The following LIMCH1 variants were observed in gnomAD, a reference collection of about 807,000 sequenced individuals.
The protein encoded by LIMCH1 is LIM and calponin homology domains-containing protein 1.
In LIMCH1, 113 loss-of-function variants were observed where a neutral mutation model predicts 176.5. The ratio of observed to expected loss-of-function variants is 0.64; its 90% CI spans 0.55 to 0.75. The LOEUF is 0.75. Among genes scored for constraint, LIMCH1 ranks in the 30% least tolerant of loss-of-function variants. The pLI is 0.00. For missense variants in LIMCH1, 1,674 were observed against 1,814.9 expected (o/e 0.92, Z 1.41); for synonymous variants, 619 against 645.9 (o/e 0.96, Z 0.63).
chr4:41,467,349 T>C (rs61174939), intron 1 of LIMCH1, among the ~76,000 whole-genome samples: 2,035 of 152,290 alleles, frequency 0.013, 44 homozygotes, highest in African/African-American at 0.046. Context: ...TAGTTCGTTC[T>C]CATGCTGTTA....
rs2076432857 is a variant in LIMCH1 at position 41,524,538 on chromosome 4, T to G, written c.237+60T>G. Reference sequence around the variant, plus strand: ...TTCCTTTGCTCTAACCTAGGGGTCATGACAGCACCATTTATTACAGTTCTC... The same window carrying G: ...TTCCTTTGCTCTAACCTAGGGGTCAGGACAGCACCATTTATTACAGTTCTC... On this transcript the variant is annotated intron_variant, in intron 3 of 26. Coordinates refer to the LIMCH1 transcript ENST00000313860. 7.5e-6 allele frequency: 9 copies of G among 1,205,244 alleles called. 1 individual carries two copies. The South Asian group carries it at 9.7e-5, about 13-fold the overall frequency. 74.7% of individuals were successfully genotyped at this position (1,205,244 alleles called of 1,614,324 possible). A position where few individuals can be genotyped will look rare whatever the true frequency, so the allele number is the denominator to read the frequency against.
chr4:41,464,424 A>G (rs1420922959), intron 1 of LIMCH1, among the ~76,000 whole-genome samples: 1 of 135,624 alleles, frequency 7.4e-6, no homozygotes, highest in African/African-American at 2.9e-5. Context: ...GCTGGAGTGC[A>G]TTGATGTGAT....
chr4:41,591,020 A>G (rs4860996), intron 1 of LIMCH1, among the ~76,000 whole-genome samples: 13,149 of 152,190 alleles, frequency 0.086, 1,860 homozygotes, highest in African/African-American at 0.3. Context: ...AAGGGAGTTT[A>G]CTTCAAATGT....
chr4:41,548,550 T>C lies in LIMCH1; in HGVS notation c.-241+10200T>C, dbSNP rs934526233. Among the ~76,000 whole-genome samples, 25 of 152,298 alleles carry C rather than the reference T, an allele frequency of 1.6e-4. 1 individual carries two copies. Among genetic ancestry groups the C allele is most frequent in the Admixed American group, 1.5e-3 (23 of 15,294 alleles). ...CAACTGGCCCTATCCCAGAGTGTAATTGATCAGTCCATAATTCCCCAAGTC... is the reference window on the plus strand; with the variant it reads ...CAACTGGCCCTATCCCAGAGTGTAACTGATCAGTCCATAATTCCCCAAGTC... On this transcript the variant is annotated intron_variant, in intron 1 of 31. Coordinates refer to ENST00000503057, the MANE Select transcript of LIMCH1 (RefSeq NM_001330672.2).
In LIMCH1 at chr4:41,613,530, A is replaced by T; in HGVS notation, c.74A>T (p.Asp25Val). The change falls in exon 5 of 32, where the codon GAT becomes GTT. Residue 25 changes from aspartate (D) to valine (V), a missense_variant. Physicochemically the swap from Asp to Val is radical, Grantham distance 152 (BLOSUM62 -3). Transcript: ENST00000503057. ...GACAGTGGCTACATCGACTGCTGGGATTCCGAGCGCAGCGACTCCCTCTCT... is the reference window on the plus strand; with the variant it reads ...GACAGTGGCTACATCGACTGCTGGGTTTCCGAGCGCAGCGACTCCCTCTCT... Reference protein sequence around the residue: ...IRDSGYIDCWDSERSDSLSPP... With the variant: ...IRDSGYIDCWVSERSDSLSPP... 1.9e-6 allele frequency: 3 copies of T among 1,614,032 alleles called. No homozygotes were observed. The highest frequency in any genetic ancestry group is 2.5e-6 in the Non-Finnish European group (3 of 1,179,970).
intron 1 of LIMCH1, among the ~76,000 whole-genome samples, chr4:41,427,838 C>T (rs768241882): frequency 7.2e-5 from 11 of 151,914 alleles, no homozygotes; most frequent in Non-Finnish European, 1.0e-4. Context: ...TCATTCCTGA[C>T]GGATTCAGCT....
chr4:41,599,380 T>G (rs1159144711), intron 2 of LIMCH1, among the ~76,000 whole-genome samples: 1 of 152,184 alleles, frequency 6.6e-6, no homozygotes, highest in Non-Finnish European at 1.5e-5. Context: ...TTGAGTAGGC[T>G]CTTGGAAGGT....
intron 1 of LIMCH1, among the ~76,000 whole-genome samples, chr4:41,463,703 G>A (rs954613676): frequency 2.0e-5 from 3 of 151,496 alleles, no homozygotes; most frequent in Admixed American, 2.0e-4. Flanking sequence ...AGCACCCCCC[G>A]AGCAGCTGGC....
intron 1 of LIMCH1, among the ~76,000 whole-genome samples, chr4:41,390,239 G>GGAGAGAGAGA (rs34011822): frequency 5.0e-4 from 69 of 138,422 alleles, no homozygotes; most frequent in African/African-American, 1.0e-3. Flanking sequence ...TCTCTCTCAG[G>GGAGAGAGAGA]GAGAGAGAGA....
intron 18 of LIMCH1, among the ~76,000 whole-genome samples, chr4:41,658,104 C>T (rs548072323): frequency 1.3e-5 from 2 of 152,278 alleles, no homozygotes; most frequent in Non-Finnish European, 2.9e-5. Context: ...GGGTTCCCAC[C>T]TCCCCTGCCT....
At chr4:41,402,866 A>G (rs1321850235) in intron 1 of LIMCH1, among the ~76,000 whole-genome samples, 2 of 151,550 alleles carry the variant, frequency 1.3e-5, no homozygotes, top group South Asian at 2.1e-4. Context: ...TAGGAGATAT[A>G]GCTAATGCTA....
chr4:41,568,450 T>C (rs910058968), intron 1 of LIMCH1, among the ~76,000 whole-genome samples: 10 of 152,352 alleles, frequency 6.6e-5, no homozygotes, highest in African/African-American at 2.4e-4. Context: ...ATGGGTTTGA[T>C]CCACATGCAC....
chr4:41,642,325 T>A (rs1585218777), intron 14 of LIMCH1, among the ~76,000 whole-genome samples: 2 of 144,102 alleles, frequency 1.4e-5, no homozygotes, highest in East Asian at 2.0e-4. Context: ...TTTTTTTTTT[T>A]AAACTGTGAG....
chr4:41,565,731 C>A lies in LIMCH1; in HGVS notation c.-241+27381C>A, dbSNP rs190675498. On this transcript the variant is annotated intron_variant, in intron 1 of 31. Transcript: ENST00000503057. Reference sequence around the variant, plus strand: ...AAGGTGGGCATTTTGACTGTCTCAGCCTTGGCACTGGAGTTGTGATGTATG... The same window carrying A: ...AAGGTGGGCATTTTGACTGTCTCAGACTTGGCACTGGAGTTGTGATGTATG... Among the ~76,000 whole-genome samples, 293 of 152,160 alleles carry A rather than the reference C, an allele frequency of 1.9e-3. 1 individual carries two copies. Among genetic ancestry groups the A allele is most frequent in the Non-Finnish European group, 3.4e-3 (231 of 68,008 alleles).
intron 26 of LIMCH1, among the ~76,000 whole-genome samples, chr4:41,682,677 TCTTTTTTTTTTTTTTG>T (rs1717117672): frequency 7.0e-6 from 1 of 142,374 alleles, no homozygotes; most frequent in Non-Finnish European, 1.6e-5. Context: ...TTCTTCTTCT[TCTTTTTTTTTTTTTTG>T]CTTGAGACGG....
rs141526843 is a variant in LIMCH1, at chr4:41,646,836, G to C, written c.2763G>C (p.Leu921=). The change falls in exon 17 of 32, where the codon CTG becomes CTC. Residue 921 remains leucine (L), a synonymous_variant. Transcript: ENST00000503057. ...KTVTPKAVPM[L]TPKPYSQPKN... ...TCACTCCCAAAGCAGTGCCTATGCT[G>C]ACACCCAAGCCTTACTCCCAGCCCA... The C allele has an allele frequency of 9.9e-6, 16 of 1,614,026 alleles. No homozygotes were observed. The African/African-American group carries it at 2.0e-4, about 20-fold the overall frequency.
chr4:41,599,995 T>C (rs2089634219), intron 2 of LIMCH1, among the ~76,000 whole-genome samples: 1 of 152,166 alleles, frequency 6.6e-6, no homozygotes, highest in African/African-American at 2.4e-5. Flanking sequence ...TACTATTTGC[T>C]TGATTTTTTA....
chr4:41,458,110 A>G (rs994561001), intron 1 of LIMCH1, among the ~76,000 whole-genome samples: 8 of 152,190 alleles, frequency 5.3e-5, no homozygotes, highest in Non-Finnish European at 1.0e-4. Flanking sequence ...ATTATTATGC[A>G]TCGTATGCTT....
intron 5 of LIMCH1, 53 bp downstream of exon 5, chr4:41,613,714 G>A: frequency 6.7e-7 from 1 of 1,499,680 alleles, no homozygotes; most frequent in East Asian, 2.3e-5. Flanking sequence ...ATTTGCAGGG[G>A]CTGCATTGCG....
Sources: gnomAD v4.1 joint callset for allele counts (sites outside exome capture counted in the v4.1 genomes callset) on GRCh38, gnomAD v4.1.1 for gene constraint, MANE v1.5 for transcripts, NCBI Gene and HGNC (gene_info 2026-07-23, HGNC 2026-07-21) for gene names.